ZNF385D: variants seen among roughly 807,000 people sequenced by gnomAD.
The protein encoded by ZNF385D is zinc finger protein 659.
Under a neutral mutation model 35.8 loss-of-function variants are expected in ZNF385D, and 15 were observed. The observed-to-expected ratio is 0.42, with a 90% CI of 0.28 to 0.64. The LOEUF is 0.64. Ranked by LOEUF, ZNF385D falls within the 30% of genes least tolerant of loss-of-function variation. The probability of loss-of-function intolerance (pLI) is 0.23; values close to 1 mark genes in which losing one functional copy is unlikely to be tolerated. For missense variants in ZNF385D, 474 were observed against 494.6 expected (o/e 0.96, Z 0.39); for synonymous variants, 212 against 186.8 (o/e 1.13, Z -1.10).
At chr3:22,358,607 T>C (rs748336665) in intron 2 of ZNF385D, among the ~76,000 whole-genome samples, 1 of 151,674 alleles carries the variant, frequency 6.6e-6, no homozygotes, top group Non-Finnish European at 1.5e-5. Context: ...CCTTTTGAGA[T>C]GAGGAGATTT....
intron 2 of ZNF385D, among the ~76,000 whole-genome samples, chr3:22,305,375 T>C (rs1261640246): frequency 3.3e-5 from 5 of 152,172 alleles, no homozygotes; most frequent in Non-Finnish European, 5.9e-5. Flanking sequence ...GACTTAATAG[T>C]TCTTGGGATT....
chr3:21,449,057 C>G (rs928833965), intron 4 of ZNF385D, among the ~76,000 whole-genome samples: 7 of 145,876 alleles, frequency 4.8e-5, no homozygotes, highest in African/African-American at 1.8e-4. Flanking sequence ...TAGCATTAAG[C>G]AGCTATAAAT....
chr3:21,560,384 CT>C (rs2062898473), intron 3 of ZNF385D, among the ~76,000 whole-genome samples: 1 of 152,132 alleles, frequency 6.6e-6, no homozygotes, highest in Non-Finnish European at 1.5e-5. Context: ...TTATTCATTT[CT>C]GTTAGTTTTT....
At chr3:21,951,046 A>T (rs1482656455) in intron 3 of ZNF385D, among the ~76,000 whole-genome samples, 1 of 151,564 alleles carries the variant, frequency 6.6e-6, no homozygotes. Flanking sequence ...TTTGGTTCTC[A>T]TTAAACTTAA....
chr3:22,037,549 T>C (rs1576202725), intron 3 of ZNF385D, among the ~76,000 whole-genome samples: 3 of 152,262 alleles, frequency 2.0e-5, no homozygotes, highest in East Asian at 1.9e-4. Context: ...ACCCACTTTT[T>C]GATGGGGTTG....
intron 3 of ZNF385D, among the ~76,000 whole-genome samples, chr3:21,534,658 A>T (rs934162298): frequency 5.9e-5 from 9 of 152,112 alleles, no homozygotes; most frequent in African/African-American, 2.2e-4. Context: ...GCAAACTCTT[A>T]ACTTACAGCC....
chr3:22,341,981 A>G (rs572445346), intron 2 of ZNF385D, among the ~76,000 whole-genome samples: 12 of 152,308 alleles, frequency 7.9e-5, no homozygotes, highest in South Asian at 2.1e-4. Flanking sequence ...TAATGAATTA[A>G]AAGACTGAAT....
chr3:21,538,826 C>T (rs2062103059), intron 3 of ZNF385D, among the ~76,000 whole-genome samples: 1 of 152,118 alleles, frequency 6.6e-6, no homozygotes, highest in African/African-American at 2.4e-5. Context: ...TTTCATATTA[C>T]ACTGTCTACA....
intron 3 of ZNF385D, among the ~76,000 whole-genome samples, chr3:21,966,248 T>C (rs947138874): frequency 2.0e-5 from 3 of 152,146 alleles, no homozygotes; most frequent in Admixed American, 1.3e-4. Flanking sequence ...CTGAAAAACA[T>C]CCCCTAACAT....
chr3:22,322,267 T>C (rs2125446850), intron 2 of ZNF385D, among the ~76,000 whole-genome samples: 1 of 152,326 alleles, frequency 6.6e-6, no homozygotes, highest in South Asian at 2.1e-4. Flanking sequence ...CCACAAAAAT[T>C]TTCTTCACAG....
At chr3:22,057,296 C>T (rs945941395) in intron 3 of ZNF385D, among the ~76,000 whole-genome samples, 2 of 152,112 alleles carry the variant, frequency 1.3e-5, no homozygotes, top group East Asian at 3.9e-4. Context: ...AGGTTATAAG[C>T]ATTAAATCAC....
At chr3:22,079,117 G>C (rs1700612380) in intron 3 of ZNF385D, among the ~76,000 whole-genome samples, 1 of 151,974 alleles carries the variant, frequency 6.6e-6, no homozygotes, top group Non-Finnish European at 1.5e-5. Flanking sequence ...GGAATAAACA[G>C]AATGAGTATA....
intron 3 of ZNF385D, among the ~76,000 whole-genome samples, chr3:22,077,643 A>AT (rs1700530921): frequency 6.6e-6 from 1 of 151,968 alleles, no homozygotes; most frequent in Non-Finnish European, 1.5e-5. Context: ...TTTTTGGCAC[A>AT]TATTTGCTAT....
At chr3:22,154,679 T>A (rs1199873884) in intron 3 of ZNF385D, among the ~76,000 whole-genome samples, 2 of 152,170 alleles carry the variant, frequency 1.3e-5, no homozygotes, top group Non-Finnish European at 2.9e-5. Flanking sequence ...ATGTCTTACT[T>A]CTGGTTTTCT....
At chr3:21,566,028 ACTT>A (rs1477809462) in intron 2 of ZNF385D, among the ~76,000 whole-genome samples, 5 of 152,160 alleles carry the variant, frequency 3.3e-5, no homozygotes. Context: ...AAAGTTTCTG[ACTT>A]CTTTGTATTC....
intron 3 of ZNF385D, among the ~76,000 whole-genome samples, chr3:21,992,053 C>T (rs1695182612): frequency 6.6e-6 from 1 of 152,160 alleles, no homozygotes; most frequent in Non-Finnish European, 1.5e-5. Context: ...ACAGTCCTGC[C>T]TTATGTAGTT....
In ZNF385D at chr3:22,145,010, A is replaced by ATGTGTG. The variant is rs36060381; in HGVS notation, c.325+23801_325+23806dup. Among the ~76,000 whole-genome samples, 1,071 of 149,022 alleles carry ATGTGTG rather than the reference A, an allele frequency of 7.2e-3. 8 individuals carry two copies. The highest frequency in any genetic ancestry group is 0.021 in the South Asian group (97 of 4,694). ...TAGAAATACAGTGTTGAAGATACATATGTGTGTGTGTGTGTGTGTGTGTGT... is the reference window on the plus strand; with the variant it reads ...TAGAAATACAGTGTTGAAGATACATATGTGTGTGTGTGTGTGTGTGTGTGTGTGTGT... On this transcript the variant is annotated intron_variant, in intron 3 of 5. Coordinates refer to the ZNF385D transcript ENST00000494108.
chr3:21,856,968 G>A (rs1696750480), intron 3 of ZNF385D, among the ~76,000 whole-genome samples: 1 of 152,068 alleles, frequency 6.6e-6, no homozygotes, highest in Admixed American at 6.6e-5. Flanking sequence ...AAGGTAAATA[G>A]GTAACCTTCT....
At chr3:22,106,899 T>C (rs1702242780) in intron 3 of ZNF385D, among the ~76,000 whole-genome samples, 1 of 152,136 alleles carries the variant, frequency 6.6e-6, no homozygotes, top group Non-Finnish European at 1.5e-5. Flanking sequence ...GTCACCTAAC[T>C]CTTCCTCTAC....
Sources: allele counts gnomAD v4.1 joint callset (sites outside exome capture counted in the v4.1 genomes callset), GRCh38; gene constraint gnomAD v4.1.1; transcripts MANE v1.5; gene names NCBI Gene and HGNC (gene_info 2026-07-23, HGNC 2026-07-21).